REPS1: variants seen among roughly 807,000 people sequenced by gnomAD.
REPS1 encodes the protein RALBP1 associated Eps domain containing 1.
REPS1 carries 39 observed loss-of-function variants against 100.9 expected under a neutral mutation model. The observed-to-expected ratio is 0.39, with a 90% confidence interval of 0.30 to 0.50. REPS1 has a LOEUF of 0.50. Among genes scored for constraint, REPS1 ranks in the 20% least tolerant of loss-of-function variants. REPS1 has a pLI of 0.86. For synonymous variants in REPS1, 324 were observed against 340.3 expected (o/e 0.95, Z 0.53); for missense variants, 821 against 968.5 (o/e 0.85, Z 2.02).
At chr6:138,974,954 C>T (rs1784517905) in intron 1 of REPS1, among the ~76,000 whole-genome samples, 1 of 151,480 alleles carries the variant, frequency 6.6e-6, no homozygotes, top group South Asian at 2.1e-4. Flanking sequence ...AATGCCATGC[C>T]ACCACACTCC....
intron 10 of REPS1, 116 bp from the exon 11 acceptor site, chr6:138,921,240 AG>A (rs1167014188): frequency 7.8e-6 from 5 of 637,988 alleles, no homozygotes; most frequent in Non-Finnish European, 1.4e-5. Flanking sequence ...ATTTACACTA[AG>A]GCAGGCATGA....
At chr6:138,978,095 G>GTTT (rs60642515) in intron 1 of REPS1, among the ~76,000 whole-genome samples, 1 of 144,316 alleles carries the variant, frequency 6.9e-6, no homozygotes. Context: ...CTTTCGCCCA[G>GTTT]TTTTTTTTTT....
chr6:138,937,737 A>C (rs138612182), intron 8 of REPS1, among the ~76,000 whole-genome samples: 70 of 152,312 alleles, frequency 4.6e-4, no homozygotes, highest in South Asian at 2.5e-3. Flanking sequence ...AAACAGTTAA[A>C]AATCATTGGC....
chr6:138,920,954 A>G, intron 11 of REPS1, 83 bp downstream of exon 11: 1 of 976,650 alleles, frequency 1.0e-6, no homozygotes, highest in Non-Finnish European at 1.6e-6. Context: ...ATAAGCGATG[A>G]AAGAAATTTG....
chr6:138,907,627 C>G (rs199867847), intron 18 of REPS1, 27 bp from the exon 19 acceptor site: 2 of 1,363,980 alleles, frequency 1.5e-6, no homozygotes, highest in Admixed American at 3.4e-5. Context: ...GGCAAAAAAA[C>G]CCATAACCTT....
intron 19 of REPS1, 56 bp downstream of exon 19, chr6:138,907,439 C>G: frequency 8.0e-7 from 1 of 1,250,104 alleles, no homozygotes; most frequent in Non-Finnish European, 1.2e-6. Flanking sequence ...CATTCCTTCT[C>G]TTTAGGTTTC....
At chr6:138,936,144 G>A (rs1414649169) in intron 8 of REPS1, among the ~76,000 whole-genome samples, 1 of 151,978 alleles carries the variant, frequency 6.6e-6, no homozygotes. Context: ...ATAATTATGA[G>A]TATCATTAAT....
intron 8 of REPS1, among the ~76,000 whole-genome samples, chr6:138,932,468 C>A (rs1220816334): frequency 6.6e-6 from 1 of 150,414 alleles, no homozygotes; most frequent in Non-Finnish European, 1.5e-5. Flanking sequence ...TACCCCCCCC[C>A]ACATACATAA....
chr6:138,921,976 AGT>A (rs71895504), intron 10 of REPS1, among the ~76,000 whole-genome samples: 57,796 of 148,442 alleles, frequency 0.39, 11,950 homozygotes, highest in Admixed American at 0.51. Context: ...CATCTCAAAA[AGT>A]GTGTGTGTGT....
chr6:138,912,354 G>T (rs1189062200), intron 16 of REPS1, among the ~76,000 whole-genome samples: 1 of 152,132 alleles, frequency 6.6e-6, no homozygotes, highest in Admixed American at 6.6e-5. Flanking sequence ...TTTGTTTTTA[G>T]TTAAAGTTGT....
chr6:138,978,130 T>C (rs986515326), intron 1 of REPS1, among the ~76,000 whole-genome samples: 1 of 152,136 alleles, frequency 6.6e-6, no homozygotes, highest in African/African-American at 2.4e-5. Flanking sequence ...GTTGTAAGAT[T>C]TTTCAAATAT....
intron 1 of REPS1, among the ~76,000 whole-genome samples, chr6:138,951,314 T>A (rs1013763523): frequency 3.3e-5 from 5 of 152,174 alleles, no homozygotes; most frequent in Non-Finnish European, 7.3e-5. Flanking sequence ...ATATGCAGAT[T>A]TTGCACAGAA....
intron 10 of REPS1, among the ~76,000 whole-genome samples, chr6:138,925,817 A>G (rs1020686834): frequency 1.3e-5 from 2 of 152,250 alleles, no homozygotes; most frequent in Non-Finnish European, 2.9e-5. Flanking sequence ...TTTTTAAATC[A>G]GGATATGAAC....
intron 13 of REPS1, 121 bp from the exon 14 acceptor site, chr6:138,916,097 C>A: frequency 1.3e-6 from 1 of 755,308 alleles, no homozygotes; most frequent in Non-Finnish European, 2.4e-6. Flanking sequence ...TCTCAACACT[C>A]AAGTATGTAA....
intron 8 of REPS1, among the ~76,000 whole-genome samples, chr6:138,935,872 G>A (rs1194641942): frequency 1.2e-5 from 1 of 86,238 alleles, no homozygotes; most frequent in African/African-American, 4.2e-5. Flanking sequence ...GGGGGGGCGC[G>A]GGGGAGTGGT....
intron 1 of REPS1, among the ~76,000 whole-genome samples, chr6:138,968,721 T>C (rs1266854561): frequency 2.6e-5 from 4 of 152,192 alleles, no homozygotes; most frequent in Non-Finnish European, 1.5e-5. Flanking sequence ...AAAATATATA[T>C]TCAATGAAAA....
chr6:138,912,043 G>C (rs1305691046), intron 16 of REPS1, among the ~76,000 whole-genome samples: 1 of 152,086 alleles, frequency 6.6e-6, no homozygotes, highest in Admixed American at 6.6e-5. Flanking sequence ...CCTAGATGCA[G>C]CCCAGTCCCC....
In REPS1 at chr6:138,912,872, G is replaced by T. The variant is rs1177100368; in HGVS notation, c.1864C>A (p.Pro622Thr). The T allele has an allele frequency of 6.2e-7, 1 of 1,614,106 alleles. No individual in the cohort carries two copies. The highest frequency in any genetic ancestry group is 1.1e-5 in the South Asian group (1 of 91,070). The change falls in exon 16 of 20, where the codon CCA becomes ACA. Residue 622 changes from proline (P) to threonine (T), a missense_variant. Coordinates refer to ENST00000450536, the MANE Select transcript of REPS1 (RefSeq NM_001286611.2). ...THTSTSPQQI[P>T]EQPNFADFSQ... ...AAATCTGCAAAATTTGGTTGCTCTGGTATCTGCTGAGGTGAGGTACTAGTG... is the reference window on the plus strand; with the variant it reads ...AAATCTGCAAAATTTGGTTGCTCTGTTATCTGCTGAGGTGAGGTACTAGTG...
At chr6:138,982,868 G>A (rs1297280617) in intron 1 of REPS1, among the ~76,000 whole-genome samples, 3 of 152,208 alleles carry the variant, frequency 2.0e-5, no homozygotes, top group African/African-American at 7.2e-5. Flanking sequence ...ATTTGTGTGT[G>A]CCCTGAACAC....
Sources: allele counts gnomAD v4.1 joint callset (sites outside exome capture counted in the v4.1 genomes callset), GRCh38; gene constraint gnomAD v4.1.1; transcripts MANE v1.5; gene names NCBI Gene and HGNC (gene_info 2026-07-23, HGNC 2026-07-21).